Variants in PAM observed in about 807,000 individuals in gnomAD.
PAM encodes peptidyl-glycine alpha-amidating monooxygenase.
In PAM, 72 loss-of-function variants were observed where a neutral mutation model predicts 122.1. The observed-to-expected ratio is 0.59, with a 90% CI of 0.49 to 0.72. PAM has a LOEUF of 0.72. Ranked by LOEUF, PAM falls within the 30% of genes least tolerant of loss-of-function variation. The pLI, the probability that PAM is intolerant of heterozygous loss-of-function variation, is 0.00. For missense variants in PAM, 1,106 were observed against 1,183.7 expected, an observed-to-expected ratio of 0.93 and a Z score of 0.96; for synonymous variants, 389 against 404.4, an observed-to-expected ratio of 0.96 and a Z score of 0.46.
chr5:102,989,759 A>G (rs1389272956), intron 15 of PAM: 1 of 151,848 alleles, frequency 6.6e-6, no homozygotes, highest in Non-Finnish European at 1.5e-5. Flanking sequence ...GGGCTATTTT[A>G]TACTGAATAT....
At position 102,780,788 on chromosome 5, in the gene PAM, TTTC is replaced by T. The variant is rs1303702225; in HGVS notation, c.-374+25443_-374+25445del. Among the ~76,000 whole-genome samples, 6 of 141,908 alleles carry T rather than the reference TTTC, an allele frequency of 4.2e-5. No homozygotes were observed. The South Asian group carries it at 1.4e-3, about 33-fold the overall frequency. 93.1% of individuals were successfully genotyped at this position (141,908 alleles called of 152,430 possible). On this transcript the variant is annotated intron_variant, in intron 1 of 25. Coordinates refer to ENST00000438793, the MANE Select transcript of PAM (RefSeq NM_001177306.2). ...CTTTCTTTCTTTCTTTCTTTCTTTC[TTTC>T]TTTCTTTCTTTCTTTCTTTCTTTCT... is the stretch of plus-strand genomic sequence containing the variant.
At chr5:102,795,189 C>CAAAAAAAAAAAAAAA (rs33988105) in intron 1 of PAM, among the ~76,000 whole-genome samples, 36 of 59,656 alleles carry the variant, frequency 6.0e-4, no homozygotes, top group African/African-American at 8.5e-4. Flanking sequence ...GACAATGTCT[C>CAAAAAAAAAAAAAAA]AAAAAAAAAA....
chr5:102,847,148 A>G (rs972080668), intron 1 of PAM, among the ~76,000 whole-genome samples: 8 of 152,038 alleles, frequency 5.3e-5, no homozygotes, highest in Non-Finnish European at 8.8e-5. Context: ...CCTTCACTCA[A>G]AGGGTCTAAG....
intron 1 of PAM, among the ~76,000 whole-genome samples, chr5:102,835,634 G>C (rs1188162398): frequency 6.6e-6 from 1 of 151,784 alleles, no homozygotes; most frequent in Non-Finnish European, 1.5e-5. Context: ...ACTAGATACA[G>C]GGTTGCCTTA....
intron 1 of PAM, among the ~76,000 whole-genome samples, chr5:102,838,825 C>T (rs969203637): frequency 2.6e-5 from 4 of 152,122 alleles, no homozygotes; most frequent in Non-Finnish European, 5.9e-5. Context: ...GGAAGAGTTT[C>T]TGGTTTTTCA....
chr5:102,939,160 T>A, intron 7 of PAM, among the ~76,000 whole-genome samples: 1 of 152,076 alleles, frequency 6.6e-6, no homozygotes, highest in East Asian at 1.9e-4. Context: ...CAAAATAAAA[T>A]CAAACCTTCC....
chr5:102,924,970 G>A lies in PAM; in HGVS notation c.370G>A (p.Gly124Arg), dbSNP rs769878323. The change falls in exon 6 of 26, where the codon GGA becomes AGA. Residue 124 changes from glycine (G) to arginine (R), a missense_variant. Coordinates refer to ENST00000438793, the MANE Select transcript of PAM (RefSeq NM_001177306.2). ...TATTTTCTTCAGGTTTTGTGATGAA[G>A]GAACCTGTACAGATAAAGCCAATAT... ...STGSYWFCDE[G>R]TCTDKANILY... 3.2e-6 allele frequency: 5 copies of A among 1,542,352 alleles called. No individual in the cohort carries two copies. The East Asian group carries it at 9.0e-5, about 28-fold the overall frequency.
In PAM at chr5:102,885,094, T is replaced by TATATATATATATATAA. The variant is rs60241746; in HGVS notation, c.211-16261_211-16260insTATATATATATATAAA. On this transcript the variant is annotated intron_variant, in intron 3 of 25. Transcript: ENST00000438793. ...CTTGTTTAATAACTATATATATATATAACTATAAAAGCTTTACTTGATTAT... is the reference window on the plus strand; with the variant it reads ...CTTGTTTAATAACTATATATATATATATATATATATATATAAAACTATAAAAGCTTTACTTGATTAT... Among the ~76,000 whole-genome samples the TATATATATATATATAA allele has an allele frequency of 1.8e-3, 273 of 147,850 alleles. 9 individuals are homozygous for TATATATATATATATAA. The highest frequency in any genetic ancestry group is 6.8e-3 in the African/African-American group (259 of 38,342).
At position 102,866,301 on chromosome 5, in the gene PAM, C is replaced by T; in HGVS notation, c.89+17C>T. On this transcript the variant is annotated intron_variant, in intron 2 of 25. Coordinates refer to ENST00000438793, the MANE Select transcript of PAM (RefSeq NM_001177306.2). The stretch of plus-strand genomic sequence containing the variant: ...CTTTAAGAGGTGGGTGTTCGTTGTT[C>T]GGGTGCTTTCTGTGCATGCTGTTGA... 6.6e-7 allele frequency: 1 copy of T among 1,524,180 alleles called. No homozygotes were observed. Among genetic ancestry groups the T allele is most frequent in the Non-Finnish European group, 9.1e-7 (1 of 1,098,248 alleles). 94.4% of individuals were successfully genotyped at this position (1,524,180 alleles called of 1,614,324 possible). A position where few individuals can be genotyped will look rare whatever the true frequency, so the allele number is the denominator to read the frequency against.
chr5:102,767,090 C>A (rs1020991591), intron 1 of PAM, among the ~76,000 whole-genome samples: 1 of 151,298 alleles, frequency 6.6e-6, no homozygotes, highest in Non-Finnish European at 1.5e-5. Flanking sequence ...ATTGACCTCC[C>A]TCTGTTAAAC....
chr5:102,939,285 A>G (rs897009425), intron 7 of PAM, among the ~76,000 whole-genome samples: 3 of 151,986 alleles, frequency 2.0e-5, no homozygotes, highest in Non-Finnish European at 2.9e-5. Context: ...TTACATATTA[A>G]TTATTCTTTT....
At chr5:102,874,207 C>T (rs1788425199) in intron 3 of PAM, among the ~76,000 whole-genome samples, 1 of 152,074 alleles carries the variant, frequency 6.6e-6, no homozygotes, top group African/African-American at 2.4e-5. Flanking sequence ...TTTGAGAGCT[C>T]AGGATTGATG....
chr5:103,018,767 A>G (rs549637784), intron 22 of PAM, among the ~76,000 whole-genome samples: 2 of 152,334 alleles, frequency 1.3e-5, no homozygotes, highest in South Asian at 4.1e-4. Context: ...TCCTGAACTC[A>G]TTAATATTTC....
intron 1 of PAM, among the ~76,000 whole-genome samples, chr5:102,795,272 A>G (rs765366530): frequency 6.6e-5 from 10 of 150,896 alleles, no homozygotes; most frequent in Non-Finnish European, 1.2e-4. Context: ...TCCTACTTTG[A>G]TACTTCTTGT....
Position 102,920,797 on chromosome 5 carries a change from A to ATT in PAM, c.357-4147_357-4146dup, listed in dbSNP as rs764728307. Among the ~76,000 whole-genome samples the ATT allele has an allele frequency of 3.1e-3, 454 of 144,400 alleles. 2 individuals are homozygous for ATT. The highest frequency in any genetic ancestry group is 0.011 in the African/African-American group (443 of 39,550). 94.7% of individuals were successfully genotyped at this position (144,400 alleles called of 152,430 possible). On this transcript the variant is annotated intron_variant, in intron 5 of 25. Coordinates refer to ENST00000438793, the MANE Select transcript of PAM (RefSeq NM_001177306.2). Reference sequence around the variant, plus strand: ...ACAGACTTAACTTGAGGGCATGACAATTTTTTTTTTTTTTAGCCAAAAGAA... The same window carrying ATT: ...ACAGACTTAACTTGAGGGCATGACAATTTTTTTTTTTTTTTTAGCCAAAAGAA...
At chr5:102,758,845 G>A (rs1156496826) in intron 1 of PAM, among the ~76,000 whole-genome samples, 2 of 152,120 alleles carry the variant, frequency 1.3e-5, no homozygotes, top group Non-Finnish European at 1.5e-5. Flanking sequence ...GAGGGGGGAA[G>A]GAATGGAATT....
At chr5:103,025,483 T>G in intron 24 of PAM, 149 bp downstream of exon 24, 1 of 689,492 alleles carries the variant, frequency 1.5e-6, no homozygotes, top group Non-Finnish European at 2.6e-6. Context: ...ATTGTCTATG[T>G]TCCAAATATT....
intron 3 of PAM, 23 bp from the exon 4 acceptor site, chr5:102,901,333 T>A: frequency 7.0e-7 from 1 of 1,435,466 alleles, no homozygotes; most frequent in South Asian, 1.2e-5. Context: ...TTAATTTGGA[T>A]TTTTTAATCT....
At chr5:102,950,080 T>G in intron 11 of PAM, 102 bp downstream of exon 11, 1 of 715,520 alleles carries the variant, frequency 1.4e-6, no homozygotes, top group Non-Finnish European at 2.5e-6. Context: ...TCTAAAAATC[T>G]CTAAATCTGC....
Sources: gnomAD v4.1 joint callset for allele counts (sites outside exome capture counted in the v4.1 genomes callset) on GRCh38, gnomAD v4.1.1 for gene constraint, MANE v1.5 for transcripts, NCBI Gene and HGNC (gene_info 2026-07-23, HGNC 2026-07-21) for gene names.